The following MCC variants were observed in gnomAD, a reference collection of about 807,000 sequenced individuals.
MCC encodes the protein colorectal mutant cancer protein.
In MCC, 90 loss-of-function variants were observed where a neutral mutation model predicts 116.2. The observed-to-expected ratio is 0.77, with a 90% CI of 0.65 to 0.92. MCC has a LOEUF of 0.92. Ranked by LOEUF, MCC falls within the 40% of genes least tolerant of loss-of-function variation. The pLI is 0.00. For missense variants in MCC, 1,516 were observed against 1,312.2 expected, an observed-to-expected ratio of 1.16 and a Z score of -2.40; for synonymous variants, 578 against 510.5, an observed-to-expected ratio of 1.13 and a Z score of -1.78.
rs1767990517 is a variant in MCC, at chr5:113,340,737, C to G, written c.416-7G>C. 1.2e-6 allele frequency: 2 copies of G among 1,611,556 alleles called. No homozygotes were observed. Among genetic ancestry groups the G allele is most frequent in the South Asian group, 2.2e-5 (2 of 90,952 alleles). On this transcript the variant is annotated splice_polypyrimidine_tract_variant and splice_region_variant and intron_variant, in intron 2 of 18. Coordinates refer to ENST00000408903, the MANE Select transcript of MCC (RefSeq NM_001085377.2). Reference sequence around the variant, plus strand: ...CTGGCTGCTGATAAGGCACCTAAGTCCGAGAGAAGCAGAGAAAATGAAAAG... The same window carrying G: ...CTGGCTGCTGATAAGGCACCTAAGTGCGAGAGAAGCAGAGAAAATGAAAAG...
At chr5:113,090,698 G>A (rs1274362824) in intron 8 of MCC, among the ~76,000 whole-genome samples, 2 of 152,218 alleles carry the variant, frequency 1.3e-5, no homozygotes, top group Admixed American at 1.3e-4. Flanking sequence ...GAGCAGGAAG[G>A]ACAAGAATGA....
chr5:113,035,702 CA>C (rs1181887213), intron 17 of MCC, among the ~76,000 whole-genome samples: 1 of 152,166 alleles, frequency 6.6e-6, no homozygotes, highest in Non-Finnish European at 1.5e-5. Context: ...TGTCACCTCC[CA>C]GAGAGGCCTA....
chr5:113,110,098 C>G (rs749247163), intron 6 of MCC, among the ~76,000 whole-genome samples: 8 of 152,148 alleles, frequency 5.3e-5, no homozygotes, highest in Non-Finnish European at 7.3e-5. Flanking sequence ...GGGTTACAGG[C>G]GTGAGCTACC....
At chr5:113,436,538 C>T in intron 1 of MCC, 1 of 152,176 alleles carries the variant, frequency 6.6e-6, no homozygotes, top group African/African-American at 2.4e-5. Flanking sequence ...CAGTAAGATA[C>T]AGCAGGCTCT....
chr5:113,055,576 C>CT (rs1331711152), intron 14 of MCC, among the ~76,000 whole-genome samples: 3 of 152,230 alleles, frequency 2.0e-5, no homozygotes, highest in Admixed American at 2.0e-4. Context: ...CTCCTGAGCA[C>CT]TAGAAACCCT....
At chr5:113,076,275 C>T (rs778317687) in intron 11 of MCC, among the ~76,000 whole-genome samples, 3 of 152,178 alleles carry the variant, frequency 2.0e-5, no homozygotes, top group Non-Finnish European at 4.4e-5. Flanking sequence ...CCTAGCAAGG[C>T]AGACCAACAT....
intron 1 of MCC, among the ~76,000 whole-genome samples, chr5:113,396,700 A>T (rs1217784058): frequency 1.3e-5 from 2 of 152,302 alleles, no homozygotes; most frequent in South Asian, 4.1e-4. Context: ...GAAGTAGGAA[A>T]ACAAAAGGAT....
intron 1 of MCC, among the ~76,000 whole-genome samples, chr5:113,466,338 C>T (rs1771908008): frequency 8.3e-6 from 1 of 120,172 alleles, no homozygotes. Flanking sequence ...CCCCCCTCCC[C>T]CCACCCCACA....
chr5:113,256,991 A>T (rs2150346537), intron 3 of MCC, among the ~76,000 whole-genome samples: 1 of 152,272 alleles, frequency 6.6e-6, no homozygotes. Flanking sequence ...ATCTGGCAGG[A>T]GGTCTGGATG....
intron 3 of MCC, among the ~76,000 whole-genome samples, chr5:113,152,263 A>G (rs908170994): frequency 6.6e-6 from 1 of 152,200 alleles, no homozygotes; most frequent in African/African-American, 2.4e-5. Flanking sequence ...TTGGCTGCAC[A>G]CACACCTACC....
Position 113,063,619 on chromosome 5 carries a change from C to T in MCC, c.2213+365G>A, listed in dbSNP as rs142195268. 2.8e-3 allele frequency among the ~76,000 whole-genome samples: 423 copies of T among 152,242 alleles called. 2 individuals carry two copies. The highest frequency in any genetic ancestry group is 8.1e-3 in the African/African-American group (335 of 41,550). ...GACCAGAGGGACCATTTGGAGCAAA[C>T]GGCTCTTGGCTACCCTAAGTGCTTC... On this transcript the variant is annotated intron_variant, in intron 14 of 18. Transcript: ENST00000408903.
chr5:113,033,247 ACT>A (rs771800369), intron 17 of MCC, among the ~76,000 whole-genome samples: 1 of 152,192 alleles, frequency 6.6e-6, no homozygotes, highest in Admixed American at 6.5e-5. Context: ...GCCCCAGCTG[ACT>A]CTTGTCATCA....
At chr5:113,093,515 G>A (rs553406508) in intron 8 of MCC, among the ~76,000 whole-genome samples, 1 of 151,802 alleles carries the variant, frequency 6.6e-6, no homozygotes, top group Non-Finnish European at 1.5e-5. Flanking sequence ...GAAAGTAAAT[G>A]ATGCAAGCCA....
At chr5:113,162,099 T>C (rs1156524497) in intron 3 of MCC, among the ~76,000 whole-genome samples, 2 of 150,906 alleles carry the variant, frequency 1.3e-5, no homozygotes, top group Non-Finnish European at 2.9e-5. Flanking sequence ...CAGAGAACAG[T>C]GTGTTTAGAT....
At chr5:113,357,553 G>A (rs1252408925) in intron 2 of MCC, among the ~76,000 whole-genome samples, 2 of 152,146 alleles carry the variant, frequency 1.3e-5, no homozygotes, top group Non-Finnish European at 2.9e-5. Context: ...AAGTACCAGG[G>A]AAAGGCAGTC....
intron 3 of MCC, among the ~76,000 whole-genome samples, chr5:113,224,339 C>T (rs977215929): frequency 6.6e-6 from 1 of 152,142 alleles, no homozygotes; most frequent in African/African-American, 2.4e-5. Context: ...GTGATCAGCC[C>T]GTCTCGGCCT....
At chr5:113,317,966 G>C (rs768679802) in intron 3 of MCC, among the ~76,000 whole-genome samples, 27 of 152,210 alleles carry the variant, frequency 1.8e-4, no homozygotes, top group Admixed American at 3.3e-4. Flanking sequence ...ACAAGATGCA[G>C]AGGGAGACCT....
intron 3 of MCC, among the ~76,000 whole-genome samples, chr5:113,320,829 G>A (rs13183383): frequency 0.13 from 19,198 of 152,240 alleles, 1,344 homozygotes; most frequent in Non-Finnish European, 0.17. Context: ...ACAATATAAT[G>A]TGGCCAGAAT....
intron 17 of MCC, 77 bp downstream of exon 17, chr5:113,043,453 G>T: frequency 7.6e-7 from 1 of 1,309,358 alleles, no homozygotes; most frequent in Non-Finnish European, 1.1e-6. Flanking sequence ...TCTCCTTTTG[G>T]GAGCAGCAAA....
Sources: allele counts gnomAD v4.1 joint callset (sites outside exome capture counted in the v4.1 genomes callset), GRCh38; gene constraint gnomAD v4.1.1; transcripts MANE v1.5; gene names NCBI Gene and HGNC (gene_info 2026-07-23, HGNC 2026-07-21).